Variants in NTM observed in about 807,000 individuals in gnomAD.
The protein encoded by NTM is neurotrimin.
Under a neutral mutation model 42.1 loss-of-function variants are expected in NTM, and 13 were observed. The ratio of observed to expected loss-of-function variants is 0.31; its 90% confidence interval spans 0.20 to 0.49. The LOEUF is 0.49. NTM is among the 20% of genes least tolerant of loss of function. The pLI is 0.99. For synonymous variants in NTM, 187 were observed against 179.2 expected (o/e 1.04, Z -0.35); for missense variants, 373 against 452.8 (o/e 0.82, Z 1.60).
At chr11:132,020,002 A>G (rs537190354) in intron 2 of NTM, among the ~76,000 whole-genome samples, 32 of 151,922 alleles carry the variant, frequency 2.1e-4, no homozygotes, top group African/African-American at 7.7e-4. Context: ...TCCCCTCCTT[A>G]TATTCCCCCA....
At chr11:131,970,243 C>A (rs531098970) in intron 2 of NTM, among the ~76,000 whole-genome samples, 3 of 152,288 alleles carry the variant, frequency 2.0e-5, no homozygotes, top group African/African-American at 7.2e-5. Flanking sequence ...ATCATGGCTC[C>A]AATTTTTCTA....
At chr11:131,786,351 G>T (rs865813799) in intron 1 of NTM, among the ~76,000 whole-genome samples, 10 of 152,154 alleles carry the variant, frequency 6.6e-5, no homozygotes, top group African/African-American at 2.4e-4. Context: ...GTGCATTGGG[G>T]TTATATCTGT....
At chr11:131,800,794 C>T (rs1292889927) in intron 1 of NTM, among the ~76,000 whole-genome samples, 1 of 152,188 alleles carries the variant, frequency 6.6e-6, no homozygotes, top group Non-Finnish European at 1.5e-5. Flanking sequence ...CCTCCAAAAA[C>T]TCTACCCTAA....
At chr11:132,333,220 C>T (rs76320039) in intron 8 of NTM, among the ~76,000 whole-genome samples, 4,578 of 152,210 alleles carry the variant, frequency 0.03, 219 homozygotes, top group African/African-American at 0.1. Context: ...GCCTGCTGGG[C>T]CATATGGACT....
At chr11:131,763,710 T>TG (rs2084635506) in intron 1 of NTM, among the ~76,000 whole-genome samples, 1 of 88,866 alleles carries the variant, frequency 1.1e-5, no homozygotes, top group African/African-American at 5.4e-5. Context: ...TCTCTCTCTC[T>TG]TTTTTTTTTT....
chr11:132,181,907 G>A (rs901325390), intron 3 of NTM, among the ~76,000 whole-genome samples: 1 of 151,308 alleles, frequency 6.6e-6, no homozygotes, highest in African/African-American at 2.4e-5. Context: ...GTACTATAAG[G>A]CAAGTCTGAA....
chr11:131,620,183 T>A (rs2062381882), intron 1 of NTM, among the ~76,000 whole-genome samples: 1 of 152,182 alleles, frequency 6.6e-6, no homozygotes, highest in Admixed American at 6.5e-5. Flanking sequence ...AGAGGGCAAG[T>A]TCTATGACTC....
At chr11:131,571,509 A>G (rs1170663509) in intron 1 of NTM, among the ~76,000 whole-genome samples, 3 of 152,202 alleles carry the variant, frequency 2.0e-5, no homozygotes, top group Non-Finnish European at 4.4e-5. Context: ...CAGGCCAGCA[A>G]AGATGCAATT....
intron 4 of NTM, among the ~76,000 whole-genome samples, chr11:132,287,831 C>G (rs548693736): frequency 6.6e-6 from 1 of 152,216 alleles, no homozygotes; most frequent in South Asian, 2.1e-4. Context: ...GTATGCATGT[C>G]CAAATGCAGG....
At chr11:131,392,766 C>T (rs1456836287) in intron 1 of NTM, among the ~76,000 whole-genome samples, 1 of 152,168 alleles carries the variant, frequency 6.6e-6, no homozygotes, top group Non-Finnish European at 1.5e-5. Flanking sequence ...CAAGCCTCAG[C>T]CTGCTCTGAA....
intron 1 of NTM, among the ~76,000 whole-genome samples, chr11:131,864,634 CA>C (rs1042101879): frequency 3.3e-5 from 5 of 152,162 alleles, no homozygotes; most frequent in Admixed American, 6.5e-5. Flanking sequence ...TTCTTTTTCA[CA>C]GAAACAAAGA....
intron 4 of NTM, among the ~76,000 whole-genome samples, chr11:132,305,921 G>A (rs2095061374): frequency 6.6e-6 from 1 of 152,182 alleles, no homozygotes; most frequent in African/African-American, 2.4e-5. Flanking sequence ...TCTTTGTCTT[G>A]TGAATTTAGT....
intron 3 of NTM, among the ~76,000 whole-genome samples, chr11:132,175,902 G>A (rs933546455): frequency 1.3e-5 from 2 of 152,132 alleles, no homozygotes; most frequent in Non-Finnish European, 1.5e-5. Flanking sequence ...TATCATGGCT[G>A]CAACATTCTT....
At chr11:132,299,155 C>T (rs1254080482) in intron 4 of NTM, among the ~76,000 whole-genome samples, 5 of 151,926 alleles carry the variant, frequency 3.3e-5, no homozygotes, top group African/African-American at 7.2e-5. Context: ...ATTAGCTGGG[C>T]GTGGTGGCAG....
Position 131,553,314 on chromosome 11 carries a change from G to A in NTM, c.82+182426G>A, listed in dbSNP as rs367568266. 1.2e-4 allele frequency among the ~76,000 whole-genome samples: 18 copies of A among 152,168 alleles called. No individual in the cohort carries two copies. The East Asian group carries it at 1.9e-3, about 16-fold the overall frequency. On this transcript the variant is annotated intron_variant, in intron 1 of 8. Coordinates refer to ENST00000683400, the MANE Select transcript of NTM (RefSeq NM_001352005.2). ...CTTTTGATGTAGTGTATATTCTACC[G>A]GTTTTTAAAAAGACTTAAGCAACCT... is the stretch of plus-strand genomic sequence containing the variant.
intron 1 of NTM, among the ~76,000 whole-genome samples, chr11:131,860,284 G>A (rs987731579): frequency 1.3e-5 from 2 of 152,154 alleles, no homozygotes; most frequent in African/African-American, 4.8e-5. Flanking sequence ...TCATGGCTGG[G>A]CTTTATTCCT....
At chr11:131,597,665 G>T (rs2059930603) in intron 1 of NTM, among the ~76,000 whole-genome samples, 1 of 152,206 alleles carries the variant, frequency 6.6e-6, no homozygotes, top group African/African-American at 2.4e-5. Flanking sequence ...TGTCTCCACA[G>T]AAATCACCCC....
chr11:132,288,530 T>A (rs1241066014), intron 4 of NTM, among the ~76,000 whole-genome samples: 1 of 152,244 alleles, frequency 6.6e-6, no homozygotes, highest in African/African-American at 2.4e-5. Context: ...CTGAACGGAA[T>A]ACACAATAGT....
intron 1 of NTM, among the ~76,000 whole-genome samples, chr11:131,876,367 C>T (rs2048542253): frequency 6.6e-6 from 1 of 152,202 alleles, no homozygotes; most frequent in Non-Finnish European, 1.5e-5. Flanking sequence ...ACTGGGTCTC[C>T]TCCACTCATC....
Sources: allele counts gnomAD v4.1 joint callset (sites outside exome capture counted in the v4.1 genomes callset), GRCh38; gene constraint gnomAD v4.1.1; transcripts MANE v1.5; gene names NCBI Gene and HGNC (gene_info 2026-07-23, HGNC 2026-07-21).